The following RYR2 variants were observed in gnomAD, a reference collection of about 807,000 sequenced individuals.
The protein encoded by RYR2 is ryanodine receptor 2, also known as cardiac muscle ryanodine receptor-calcium release channel.
A neutral mutation model predicts 601.1 loss-of-function variants in RYR2; 227 were observed. The observed-to-expected ratio is 0.38, with a 90% CI of 0.34 to 0.42. The LOEUF is 0.42. RYR2 is among the 10% of genes least tolerant of loss of function. RYR2 has a pLI of 1.00. For synonymous variants in RYR2, 2,223 were observed against 2,175.1 expected (o/e 1.02, Z -0.61); for missense variants, 4,646 against 6,156.5 (o/e 0.75, Z 8.21).
chr1:237,325,997 G>A (rs188871675), intron 2 of RYR2, among the ~76,000 whole-genome samples: 49 of 152,238 alleles, frequency 3.2e-4, no homozygotes, highest in African/African-American at 1.2e-3. Flanking sequence ...GAGAAGGATG[G>A]TGGCTTAATG....
intron 34 of RYR2, among the ~76,000 whole-genome samples, chr1:237,596,810 A>G (rs966072338): frequency 3.9e-5 from 6 of 152,222 alleles, no homozygotes; most frequent in Non-Finnish European, 8.8e-5. Context: ...ACTATCAGCA[A>G]GTTTCTCAGC....
chr1:237,268,636 T>G (rs1201731807), intron 1 of RYR2, among the ~76,000 whole-genome samples: 1 of 151,928 alleles, frequency 6.6e-6, no homozygotes, highest in East Asian at 1.9e-4. Context: ...TGCTACCATA[T>G]AGGAAATAAA....
chr1:237,704,057 G>C (rs1688171735), intron 66 of RYR2, among the ~76,000 whole-genome samples: 1 of 152,108 alleles, frequency 6.6e-6, no homozygotes, highest in Non-Finnish European at 1.5e-5. Context: ...AGTCGAGAAT[G>C]TGTCTTTTAG....
intron 1 of RYR2, among the ~76,000 whole-genome samples, chr1:237,183,198 A>C (rs1436538409): frequency 6.6e-6 from 1 of 152,212 alleles, no homozygotes; most frequent in Non-Finnish European, 1.5e-5. Flanking sequence ...CTAACTTCTT[A>C]ACCGTTTACA....
chr1:237,352,475 G>A (rs1245234988), intron 3 of RYR2, among the ~76,000 whole-genome samples: 1 of 152,018 alleles, frequency 6.6e-6, no homozygotes, highest in Non-Finnish European at 1.5e-5. Flanking sequence ...AATATACCAT[G>A]TTCATATATT....
At chr1:237,064,322 T>C (rs988805244) in intron 1 of RYR2, among the ~76,000 whole-genome samples, 18 of 152,190 alleles carry the variant, frequency 1.2e-4, no homozygotes, top group African/African-American at 4.3e-4. Context: ...TTTTTAGTAA[T>C]TGGTTTTACA....
rs190133751 is a variant in RYR2, at chr1:237,111,205, G to C, written c.48+68636G>C. Among the ~76,000 whole-genome samples, 265 of 152,332 alleles carry C rather than the reference G, an allele frequency of 1.7e-3. 1 individual carries two copies. Among genetic ancestry groups the C allele is most frequent in the African/African-American group, 5.9e-3 (244 of 41,582 alleles). On this transcript the variant is annotated intron_variant, in intron 1 of 104. Coordinates refer to ENST00000366574, the MANE Select transcript of RYR2 (RefSeq NM_001035.3). ...AGAGGACATTCACAGCACTGTGCTT[G>C]TTGGAGTATTTGTACCATTGCCTCT...
intron 1 of RYR2, among the ~76,000 whole-genome samples, chr1:237,107,451 T>C (rs1485044004): frequency 3.0e-5 from 4 of 133,276 alleles, no homozygotes; most frequent in East Asian, 4.4e-4. Flanking sequence ...AACCCAGAGG[T>C]GGAGTTTGCA....
chr1:237,441,092 A>G (rs1707856719), intron 12 of RYR2, among the ~76,000 whole-genome samples: 2 of 152,204 alleles, frequency 1.3e-5, no homozygotes, highest in African/African-American at 4.8e-5. Context: ...ATGCAACATA[A>G]AATTTAAAAA....
At chr1:237,333,147 G>A (rs6662392) in intron 3 of RYR2, among the ~76,000 whole-genome samples, 2,827 of 152,250 alleles carry the variant, frequency 0.019, 68 homozygotes, top group African/African-American at 0.054. Context: ...TTTATAAAGC[G>A]CAGTATAGTT....
chr1:237,490,517 CAA>C (rs200999820), intron 17 of RYR2, among the ~76,000 whole-genome samples: 1 of 143,512 alleles, frequency 7.0e-6, no homozygotes, highest in Admixed American at 6.9e-5. Flanking sequence ...TTAGTAATAG[CAA>C]AAAAAAAAGG....
intron 101 of RYR2, among the ~76,000 whole-genome samples, chr1:237,824,990 A>G (rs1662931628): frequency 6.6e-6 from 1 of 152,234 alleles, no homozygotes; most frequent in Non-Finnish European, 1.5e-5. Flanking sequence ...GAGAACTACA[A>G]ACTACCACTT....
intron 2 of RYR2, among the ~76,000 whole-genome samples, chr1:237,281,750 A>T (rs1690897808): frequency 6.6e-6 from 1 of 152,208 alleles, no homozygotes; most frequent in African/African-American, 2.4e-5. Flanking sequence ...TACAATGCTG[A>T]GGGCTTATTG....
At chr1:237,598,936 A>G (rs755757317) in intron 34 of RYR2, among the ~76,000 whole-genome samples, 9 of 152,166 alleles carry the variant, frequency 5.9e-5, no homozygotes, top group Non-Finnish European at 1.2e-4. Context: ...TAAAATCCAC[A>G]TTGAAAAGAA....
At chr1:237,374,627 C>G in intron 6 of RYR2, 90 bp from the exon 7 acceptor site, 2 of 1,083,692 alleles carry the variant, frequency 1.8e-6, no homozygotes, top group Non-Finnish European at 2.8e-6. Context: ...CACTGCACTT[C>G]CAGCCTGAGC....
At chr1:237,485,252 A>G (rs1022927166) in intron 17 of RYR2, among the ~76,000 whole-genome samples, 1 of 152,242 alleles carries the variant, frequency 6.6e-6, no homozygotes, top group East Asian at 1.9e-4. Flanking sequence ...TGTTATGAGT[A>G]AATAAATAAA....
At chr1:237,451,821 T>C (rs1572389488) in intron 14 of RYR2, among the ~76,000 whole-genome samples, 1 of 152,092 alleles carries the variant, frequency 6.6e-6, no homozygotes, top group Non-Finnish European at 1.5e-5. Context: ...AATGCCAATT[T>C]ACTTATTACA....
chr1:237,220,764 C>T (rs372665373), intron 1 of RYR2, among the ~76,000 whole-genome samples: 2 of 152,136 alleles, frequency 1.3e-5, no homozygotes, highest in South Asian at 4.2e-4. Flanking sequence ...GGGAGAAAAC[C>T]CCTCAGAATT....
intron 63 of RYR2, among the ~76,000 whole-genome samples, chr1:237,697,333 T>TATATATATAGTATATATATATA (rs1687548437): frequency 7.0e-6 from 1 of 143,860 alleles, no homozygotes; most frequent in Non-Finnish European, 1.5e-5. Context: ...TGTGTGTGTA[T>TATATATATAGTATATATATATA]ATATATATAG....
Sources: gnomAD v4.1 joint callset for allele counts (sites outside exome capture counted in the v4.1 genomes callset) on GRCh38, gnomAD v4.1.1 for gene constraint, MANE v1.5 for transcripts, NCBI Gene and HGNC (gene_info 2026-07-23, HGNC 2026-07-21) for gene names.